The following KCNIP1 variants were observed in gnomAD, a reference collection of about 807,000 sequenced individuals.
KCNIP1 encodes the protein A-type potassium channel modulatory protein KCNIP1.
A neutral mutation model predicts 33.0 loss-of-function variants in KCNIP1; 18 were observed. That is an observed-to-expected ratio of 0.55 (90% CI 0.38 to 0.81). The LOEUF (loss-of-function observed/expected upper bound fraction) is 0.81. Among genes scored for constraint, KCNIP1 ranks in the 30% least tolerant of loss-of-function variants. The probability of loss-of-function intolerance (pLI) is 0.00; values close to 1 mark genes in which losing one functional copy is unlikely to be tolerated. For missense variants in KCNIP1, 238 were observed against 271.6 expected (o/e 0.88, Z 0.87); for synonymous variants, 93 against 98.3 (o/e 0.95, Z 0.32).
intron 1 of KCNIP1, among the ~76,000 whole-genome samples, chr5:170,492,700 C>T (rs1315576121): frequency 6.6e-6 from 1 of 152,150 alleles, no homozygotes; most frequent in Admixed American, 6.5e-5. Flanking sequence ...TCGGGAAACT[C>T]CAAGGGTTTT....
chr5:170,510,698 G>A (rs1423963969), intron 1 of KCNIP1, among the ~76,000 whole-genome samples: 1 of 152,218 alleles, frequency 6.6e-6, no homozygotes, highest in Non-Finnish European at 1.5e-5. Context: ...AGCCATGGGA[G>A]TAGTACTTTG....
At chr5:170,495,414 G>T (rs1265780189) in intron 1 of KCNIP1, among the ~76,000 whole-genome samples, 1 of 152,204 alleles carries the variant, frequency 6.6e-6, no homozygotes, top group Non-Finnish European at 1.5e-5. Context: ...GCCTGAAAAA[G>T]ACACACAAGT....
chr5:170,453,149 T>A (rs1756295156), intron 1 of KCNIP1, among the ~76,000 whole-genome samples: 1 of 152,216 alleles, frequency 6.6e-6, no homozygotes, highest in Non-Finnish European at 1.5e-5. Context: ...CCCTCCAAAT[T>A]GACGACTTGA....
At chr5:170,477,305 A>G (rs1444863085) in intron 1 of KCNIP1, among the ~76,000 whole-genome samples, 2 of 151,086 alleles carry the variant, frequency 1.3e-5, no homozygotes, top group Non-Finnish European at 2.9e-5. Context: ...GTGTATATAT[A>G]TATACACATA....
At chr5:170,382,346 T>G (rs1228465659) in intron 1 of KCNIP1, among the ~76,000 whole-genome samples, 2 of 152,228 alleles carry the variant, frequency 1.3e-5, no homozygotes, top group Non-Finnish European at 2.9e-5. Context: ...TTTTTAAGAC[T>G]CTTACAGGGT....
chr5:170,625,292 C>A (rs1202163193), intron 1 of KCNIP1, among the ~76,000 whole-genome samples: 1 of 152,162 alleles, frequency 6.6e-6, no homozygotes, highest in Non-Finnish European at 1.5e-5. Context: ...CTGAGGCTGC[C>A]TCCTGGATTT....
At chr5:170,640,809 T>G (rs2113696898) in intron 1 of KCNIP1, among the ~76,000 whole-genome samples, 1 of 152,242 alleles carries the variant, frequency 6.6e-6, no homozygotes, top group East Asian at 1.9e-4. Flanking sequence ...CTTGGAAACA[T>G]CTTGCAAGGG....
Position 170,670,894 on chromosome 5 carries a change from T to C in KCNIP1, c.62-47864T>C, listed in dbSNP as rs1453687102. 3.1e-5 allele frequency among the ~76,000 whole-genome samples: 4 copies of C among 129,524 alleles called. No individual in the cohort carries two copies. The East Asian group carries it at 8.4e-4, about 27-fold the overall frequency. The allele number at this position is 129,524 out of a possible 152,430, so 85.0% of individuals were successfully genotyped here. A position where few individuals can be genotyped will look rare whatever the true frequency, so the allele number is the denominator to read the frequency against. ...CTGGGCGACAGAGTGAGACTCTGTC[T>C]CAAAAAACAAAAAAAAAAATAAAAA... On this transcript the variant is annotated intron_variant, in intron 1 of 7. Transcript: ENST00000328939.
At chr5:170,612,804 T>C (rs1310664886) in intron 1 of KCNIP1, among the ~76,000 whole-genome samples, 1 of 152,196 alleles carries the variant, frequency 6.6e-6, no homozygotes, top group African/African-American at 2.4e-5. Flanking sequence ...ATAATGGCCG[T>C]GTGTCCTGCC....
intron 1 of KCNIP1, among the ~76,000 whole-genome samples, chr5:170,496,359 G>A (rs1757311071): frequency 6.6e-6 from 1 of 152,200 alleles, no homozygotes; most frequent in South Asian, 2.1e-4. Flanking sequence ...GGAGGACTTG[G>A]AGCTACATGC....
chr5:170,515,730 C>A (rs577159829), intron 1 of KCNIP1, among the ~76,000 whole-genome samples: 2 of 152,208 alleles, frequency 1.3e-5, no homozygotes, highest in Non-Finnish European at 2.9e-5. Flanking sequence ...GGTTTGCCTC[C>A]AGTGCCTGCA....
chr5:170,661,781 C>G (rs1472221440), intron 1 of KCNIP1, among the ~76,000 whole-genome samples: 1 of 152,184 alleles, frequency 6.6e-6, no homozygotes, highest in Non-Finnish European at 1.5e-5. Flanking sequence ...TTTGAACCGG[C>G]AAATATATAT....
chr5:170,619,715 T>C (rs568245433), intron 1 of KCNIP1, among the ~76,000 whole-genome samples: 2 of 152,318 alleles, frequency 1.3e-5, no homozygotes, highest in Admixed American at 6.5e-5. Context: ...TGGCCCATAA[T>C]TAGTTGTTAT....
At chr5:170,589,794 T>TGCG (rs1554103000) in intron 1 of KCNIP1, among the ~76,000 whole-genome samples, 12,756 of 112,122 alleles carry the variant, frequency 0.11, 1,109 homozygotes, top group African/African-American at 0.2. Context: ...TGTGATGTGG[T>TGCG]GTGCGGTGCG....
At chr5:170,640,947 G>A (rs1291368186) in intron 1 of KCNIP1, among the ~76,000 whole-genome samples, 1 of 152,174 alleles carries the variant, frequency 6.6e-6, no homozygotes, top group African/African-American at 2.4e-5. Context: ...CTCCACCCCA[G>A]AGCTGCTAAT....
intron 1 of KCNIP1, among the ~76,000 whole-genome samples, chr5:170,443,132 T>C (rs891499283): frequency 3.9e-5 from 6 of 152,098 alleles, no homozygotes; most frequent in Non-Finnish European, 1.5e-5. Flanking sequence ...TAGGCACCCC[T>C]CTTGTCCAGA....
chr5:170,666,261 G>A (rs939547226), intron 1 of KCNIP1, among the ~76,000 whole-genome samples: 4 of 152,128 alleles, frequency 2.6e-5, no homozygotes, highest in African/African-American at 9.7e-5. Flanking sequence ...CCACCTTTGG[G>A]TACTGGGGCT....
intron 1 of KCNIP1, among the ~76,000 whole-genome samples, chr5:170,372,860 C>A (rs1763883048): frequency 6.6e-6 from 1 of 152,158 alleles, no homozygotes; most frequent in Non-Finnish European, 1.5e-5. Context: ...GCTTCATGTG[C>A]CTCTCAAGCC....
chr5:170,597,651 A>G (rs185392252), intron 1 of KCNIP1, among the ~76,000 whole-genome samples: 91 of 152,086 alleles, frequency 6.0e-4, no homozygotes, highest in African/African-American at 2.1e-3. Context: ...TCCTTGTCAG[A>G]CAACACGGGA....
Sources: allele counts gnomAD v4.1 joint callset (sites outside exome capture counted in the v4.1 genomes callset), GRCh38; gene constraint gnomAD v4.1.1; transcripts MANE v1.5; gene names NCBI Gene and HGNC (gene_info 2026-07-23, HGNC 2026-07-21).